The following SORCS3 variants were observed in gnomAD, a reference collection of about 807,000 sequenced individuals.
SORCS3 encodes sortilin related VPS10 domain containing receptor 3.
In SORCS3, 57 loss-of-function variants were observed where a neutral mutation model predicts 146.3. That is an observed-to-expected ratio of 0.39 (90% CI 0.31 to 0.49). The LOEUF is 0.49. Ranked by LOEUF, SORCS3 falls within the 20% of genes least tolerant of loss-of-function variation. The pLI, the probability that SORCS3 is intolerant of heterozygous loss-of-function variation, is 0.92. For missense variants in SORCS3, 1,341 were observed against 1,575.5 expected, an observed-to-expected ratio of 0.85 and a Z score of 2.52; for synonymous variants, 653 against 618.5, an observed-to-expected ratio of 1.06 and a Z score of -0.83.
chr10:104,797,428 G>A (rs557841336), intron 1 of SORCS3, among the ~76,000 whole-genome samples: 3 of 152,138 alleles, frequency 2.0e-5, no homozygotes, highest in South Asian at 2.1e-4. Flanking sequence ...ATGAAGCCAA[G>A]CTGTTTGCTC....
chr10:104,718,799 T>C (rs1335759082), intron 1 of SORCS3, among the ~76,000 whole-genome samples: 2 of 152,090 alleles, frequency 1.3e-5, no homozygotes, highest in African/African-American at 4.8e-5. Flanking sequence ...TCCAGGAAAG[T>C]GGGAGAAATG....
intron 14 of SORCS3, among the ~76,000 whole-genome samples, chr10:105,198,682 A>G (rs959630744): frequency 6.6e-6 from 1 of 152,152 alleles, no homozygotes; most frequent in Non-Finnish European, 1.5e-5. Context: ...TCAGCTGCAT[A>G]TGTTGGGTAT....
chr10:105,174,274 G>C (rs983303285), intron 13 of SORCS3, among the ~76,000 whole-genome samples: 2 of 152,106 alleles, frequency 1.3e-5, no homozygotes, highest in African/African-American at 4.8e-5. Flanking sequence ...ACTGATTTCA[G>C]TTTCCCTGTG....
chr10:104,853,624 C>T (rs964391761), intron 2 of SORCS3, among the ~76,000 whole-genome samples: 2 of 152,182 alleles, frequency 1.3e-5, no homozygotes, highest in African/African-American at 4.8e-5. Flanking sequence ...GAAGAGACCA[C>T]TTGGGTCAAG....
At chr10:104,648,879 G>A (rs2015526961) in intron 1 of SORCS3, among the ~76,000 whole-genome samples, 1 of 152,144 alleles carries the variant, frequency 6.6e-6, no homozygotes, top group African/African-American at 2.4e-5. Flanking sequence ...GGAATCAGAG[G>A]AAGCCATCCC....
chr10:105,103,036 C>CCT (rs2055797046), intron 6 of SORCS3, among the ~76,000 whole-genome samples: 1 of 152,000 alleles, frequency 6.6e-6, no homozygotes, highest in Admixed American at 6.6e-5. Flanking sequence ...GATCCACCCA[C>CCT]CTCGGCCTCC....
chr10:104,896,278 G>C (rs1313117259), intron 2 of SORCS3, among the ~76,000 whole-genome samples: 2 of 152,166 alleles, frequency 1.3e-5, no homozygotes, highest in African/African-American at 2.4e-5. Context: ...TTATGGCAAA[G>C]GAATTCAGGG....
At chr10:104,859,746 A>C (rs1166234962) in intron 2 of SORCS3, among the ~76,000 whole-genome samples, 3 of 152,114 alleles carry the variant, frequency 2.0e-5, no homozygotes, top group Admixed American at 6.6e-5. Flanking sequence ...ACCCCATCAA[A>C]AAGTGGGCAA....
intron 6 of SORCS3, among the ~76,000 whole-genome samples, chr10:105,092,916 G>A (rs1420581774): frequency 1.3e-5 from 2 of 152,076 alleles, no homozygotes; most frequent in Admixed American, 6.5e-5. Flanking sequence ...CAGTAAAATG[G>A]CAGGAATATT....
At chr10:104,883,732 T>C (rs2133577417) in intron 2 of SORCS3, among the ~76,000 whole-genome samples, 1 of 152,296 alleles carries the variant, frequency 6.6e-6, no homozygotes, top group South Asian at 2.1e-4. Context: ...GTCTTTTCAT[T>C]TGGAGCCTCT....
intron 4 of SORCS3, among the ~76,000 whole-genome samples, chr10:105,013,190 G>A (rs982668743): frequency 5.9e-5 from 9 of 151,992 alleles, no homozygotes; most frequent in Middle Eastern, 3.2e-3. Context: ...AAACAAGAAA[G>A]CAAAACAAAG....
chr10:105,259,864 G>A (rs1199246629), intron 25 of SORCS3, among the ~76,000 whole-genome samples: 2 of 151,998 alleles, frequency 1.3e-5, no homozygotes, highest in Admixed American at 1.3e-4. Flanking sequence ...GTTTTTAGAG[G>A]GAGACTTGAG....
chr10:104,956,055 A>G (rs745626077), intron 3 of SORCS3, among the ~76,000 whole-genome samples: 41 of 152,312 alleles, frequency 2.7e-4, no homozygotes, highest in South Asian at 6.2e-4. Context: ...AGTGTAAAAA[A>G]GAGCCTTCCA....
intron 3 of SORCS3, among the ~76,000 whole-genome samples, chr10:104,946,796 G>T (rs1434912961): frequency 1.3e-5 from 2 of 152,138 alleles, no homozygotes; most frequent in African/African-American, 4.8e-5. Flanking sequence ...GGGAGCAGAG[G>T]CATCAGAGCA....
chr10:105,222,830 C>A (rs2119670123), intron 19 of SORCS3, among the ~76,000 whole-genome samples: 1 of 152,284 alleles, frequency 6.6e-6, no homozygotes, highest in South Asian at 2.1e-4. Context: ...TCTAGTAAAT[C>A]AGCTTTGTCC....
chr10:104,864,606 T>C (rs753824317), intron 2 of SORCS3, among the ~76,000 whole-genome samples: 8 of 152,022 alleles, frequency 5.3e-5, no homozygotes, highest in Non-Finnish European at 1.2e-4. Flanking sequence ...GCCAGTGGAG[T>C]GCTGGTCCAG....
intron 4 of SORCS3, among the ~76,000 whole-genome samples, chr10:104,990,838 A>G (rs1482385893): frequency 1.3e-5 from 2 of 152,204 alleles, no homozygotes; most frequent in African/African-American, 2.4e-5. Flanking sequence ...TGGAGCCTCC[A>G]GAAGGAATGC....
intron 4 of SORCS3, among the ~76,000 whole-genome samples, chr10:105,034,874 G>C (rs1388567757): frequency 6.6e-6 from 1 of 152,110 alleles, no homozygotes; most frequent in Non-Finnish European, 1.5e-5. Context: ...GACTTAAGTG[G>C]AAACCCTGCC....
At chr10:105,003,403 G>T (rs566611773) in intron 4 of SORCS3, among the ~76,000 whole-genome samples, 1 of 152,204 alleles carries the variant, frequency 6.6e-6, no homozygotes, top group African/African-American at 2.4e-5. Context: ...TACCCTAGAT[G>T]TGTCACTGCC....
Sources: gnomAD v4.1 joint callset for allele counts (sites outside exome capture counted in the v4.1 genomes callset) on GRCh38, gnomAD v4.1.1 for gene constraint, MANE v1.5 for transcripts, NCBI Gene and HGNC (gene_info 2026-07-23, HGNC 2026-07-21) for gene names.